NCAPD3: variants seen among roughly 807,000 people sequenced by gnomAD.
The protein encoded by NCAPD3 is condensin-2 complex subunit D3.
In NCAPD3, 105 loss-of-function variants were observed where a neutral mutation model predicts 182.9. The ratio of observed to expected loss-of-function variants is 0.57; its 90% CI spans 0.49 to 0.68. The LOEUF is 0.68. Ranked by LOEUF, NCAPD3 falls within the 30% of genes least tolerant of loss-of-function variation. The pLI, the probability that NCAPD3 is intolerant of heterozygous loss-of-function variation, is 0.00. For synonymous variants in NCAPD3, 815 were observed against 679.9 expected, an observed-to-expected ratio of 1.20 and a Z score of -3.09; for missense variants, 1,944 against 1,837.0, an observed-to-expected ratio of 1.06 and a Z score of -1.07.
chr11:134,209,208 T>G lies in NCAPD3; in HGVS notation c.733-2A>C. The G allele has an allele frequency of 6.2e-7, 1 of 1,613,046 alleles. No individual in the cohort carries two copies. ...AAAATTAGTTAATGAAACAAAGACC[T>G]AGAAAACAGATATGAAGAAAAGGCC... On this transcript the variant is annotated splice_acceptor_variant, in intron 5 of 34. Coordinates refer to ENST00000534548, the MANE Select transcript of NCAPD3 (RefSeq NM_015261.3). LOFTEE classifies it high-confidence loss of function.
At chr11:134,153,099 G>C in intron 34 of NCAPD3, 41 bp downstream of exon 34, 1 of 1,612,448 alleles carries the variant, frequency 6.2e-7, no homozygotes, top group Non-Finnish European at 8.5e-7. Flanking sequence ...GAAAAACCCT[G>C]ACAGAAACAT....
rs764503025 is a variant in NCAPD3 at position 134,184,993 on chromosome 11, T to G, written c.2245A>C (p.Asn749His). ...QSWEKISSQQ[N>H]PNSNTLGHIL... ...TGTCCTAAGGTGTTTGAATTGGGAT[T>G]CTGCTGACTAGAGAAAGGGCAGGAG... Residue 749 changes from asparagine to histidine, a missense_variant, in exon 18 of 35, where the codon AAT becomes CAT. Asn to His is a moderately conservative substitution (Grantham distance 68). Around this residue, in one of 3 missense-constraint regions of NCAPD3, gnomAD observed 1,803 missense variants for 1,674.6 expected, o/e 1.08. Coordinates refer to ENST00000534548, the MANE Select transcript of NCAPD3 (RefSeq NM_015261.3). 6.2e-7 allele frequency: 1 copy of G among 1,610,870 alleles called. No individual in the cohort carries two copies. The highest frequency in any genetic ancestry group is 1.7e-5 in the Admixed American group (1 of 59,986).
At chr11:134,223,544 A>C (rs1317819128) in intron 1 of NCAPD3, 16 of 700,366 alleles carry the variant, frequency 2.3e-5, no homozygotes, top group Non-Finnish European at 3.7e-5. Flanking sequence ...ATTTAAAACC[A>C]TCTTAATAGG....
intron 20 of NCAPD3, among the ~76,000 whole-genome samples, 196 bp downstream of exon 20, chr11:134,180,881 A>T (rs557799588): frequency 6.6e-6 from 1 of 152,282 alleles, no homozygotes; most frequent in East Asian, 1.9e-4. Context: ...GAGTTTCCCC[A>T]CCGATAAAAA....
chr11:134,167,927 G>A lies in NCAPD3; in HGVS notation c.3573+69C>T, dbSNP rs774016341. The A allele has an allele frequency of 2.9e-5, 42 of 1,449,152 alleles. 1 individual carries two copies. In the Admixed American group the frequency reaches 3.3e-4, roughly 11 times the overall value. The allele number at this position is 1,449,152 out of a possible 1,614,324, so 89.8% of individuals were successfully genotyped here. On this transcript the variant is annotated intron_variant, in intron 27 of 34. Transcript: ENST00000534548. ...ATGAGCTTGGGGGAGGTGCACACTC[G>A]TGAGATGAGCTTAGGGGAGCAGCAC...
Position 134,178,790 on chromosome 11 carries a change from C to T in NCAPD3, c.2674+32G>A, listed in dbSNP as rs138315234. On this transcript the variant is annotated intron_variant, in intron 21 of 34. Transcript: ENST00000534548. ...ACCGACAGAACCTTGAAACGGCATG[C>T]GTGCTACAGAGTATGATTTCAAATG... 136 of 1,608,456 alleles carry T rather than the reference C, an allele frequency of 8.5e-5. 2 individuals carry two copies. In the East Asian group the frequency reaches 2.8e-3, roughly 33 times the overall value.
rs747024918 is a variant in NCAPD3, at chr11:134,192,859, G to A, written c.1875C>T (p.Val625=). 6.2e-7 allele frequency: 1 copy of A among 1,614,002 alleles called. No homozygotes were observed. The highest frequency in any genetic ancestry group is 8.5e-7 in the Non-Finnish European group (1 of 1,179,920). Residue 625 remains valine (V), a synonymous_variant, in exon 16 of 35, where the codon GTC becomes GTT. Coordinates refer to ENST00000534548, the MANE Select transcript of NCAPD3 (RefSeq NM_015261.3). ...TGCTCTCGCAGTCCATCACCACCGGGACCACCCCCCGCAACCAGGCTTTCT... is the reference window on the plus strand; with the variant it reads ...TGCTCTCGCAGTCCATCACCACCGGAACCACCCCCCGCAACCAGGCTTTCT... The part of the protein sequence containing the change: ...QIQKAWLRGV[V]PVVMDCESTV...
chr11:134,168,969 A>G lies in NCAPD3; in HGVS notation c.3187T>C (p.Phe1063Leu), dbSNP rs751784629. 1.2e-6 allele frequency: 2 copies of G among 1,614,066 alleles called. No homozygotes were observed. Among genetic ancestry groups the G allele is most frequent in the South Asian group, 2.2e-5 (2 of 91,070 alleles). Residue 1063 changes from phenylalanine (F) to leucine (L), a missense_variant, in exon 25 of 35, where the codon TTT (phenylalanine) becomes CTT (leucine). Phe to Leu is a conservative substitution (Grantham distance 22). This residue lies in a region of NCAPD3 where 1,803 missense variants were observed against 1,674.6 expected (regional missense o/e 1.08). Transcript: ENST00000534548. The part of the protein sequence containing the change: ...FQHFIECIFH[F>L]NNYEKHEKYN... ...TTCTCATGCTTCTCATAGTTATTAA[A>G]GTGAAAAATACATTCAATGAAGTGT...
chr11:134,168,995 T>G lies in NCAPD3; in HGVS notation c.3161A>C (p.Gln1054Pro). 1 of 1,614,046 alleles carries G rather than the reference T, an allele frequency of 6.2e-7. No individual in the cohort carries two copies. The highest frequency in any genetic ancestry group is 8.5e-7 in the Non-Finnish European group (1 of 1,179,910). Residue 1054 changes from glutamine to proline, a missense_variant, in exon 25 of 35, where the codon CAA (glutamine) becomes CCA (proline). This residue lies in a region of NCAPD3 where 1,803 missense variants were observed against 1,674.6 expected (regional missense o/e 1.08). Transcript: ENST00000534548. ...LLKRNPVMFF[Q>P]HFIECIFHFN... Reference sequence around the variant, plus strand: ...GTGAAAAATACATTCAATGAAGTGTTGGAAGAACATGACAGGGTTCCTCTT... The same window carrying G: ...GTGAAAAATACATTCAATGAAGTGTGGGAAGAACATGACAGGGTTCCTCTT...
chr11:134,159,147 T>A (rs1943509526), intron 29 of NCAPD3, among the ~76,000 whole-genome samples: 1 of 152,230 alleles, frequency 6.6e-6, no homozygotes, highest in African/African-American at 2.4e-5. Context: ...GTCTTCGACA[T>A]CCTGATTTCC....
chr11:134,161,817 C>T lies in NCAPD3; in HGVS notation c.3648G>A (p.Lys1216=). The change falls in exon 28 of 35, where the codon AAG becomes AAA. Residue 1216 remains lysine, a synonymous_variant. Transcript: ENST00000534548. ...GCATGAGTTCCCGCAAAGCTGGGAT[C>T]TTATTTTTCTCCAGCACAGTCTTCA... ...ISLKTVLEKN[K]IPALRELMHY... 2 of 1,593,012 alleles carry T rather than the reference C, an allele frequency of 1.3e-6. No homozygotes were observed. Among genetic ancestry groups the T allele is most frequent in the Non-Finnish European group, 1.7e-6 (2 of 1,164,278 alleles).
intron 28 of NCAPD3, among the ~76,000 whole-genome samples, chr11:134,160,615 T>C (rs1943550573): frequency 6.6e-6 from 1 of 152,204 alleles, no homozygotes; most frequent in South Asian, 2.1e-4. Context: ...GAAAACCTTT[T>C]CTCATACCTA....
rs1017416469 is a variant in NCAPD3, at chr11:134,159,013, A to G, written c.3868-518T>C. Among the ~76,000 whole-genome samples the G allele has an allele frequency of 3.3e-5, 5 of 152,338 alleles. No individual in the cohort carries two copies. In the East Asian group the frequency reaches 9.6e-4, roughly 29 times the overall value. On this transcript the variant is annotated intron_variant, in intron 29 of 34. Coordinates refer to ENST00000534548, the MANE Select transcript of NCAPD3 (RefSeq NM_015261.3). ...AACAGATGACAAGATTTCACTTTTT[A>G]TAGATGAAAAGTACTCCACTGTATA...
In NCAPD3 at chr11:134,158,234, A is replaced by G. The variant is rs148793974; in HGVS notation, c.4034+95T>C. ...CGGGGTGGCAGGCCAGACAATGACA[A>G]TGACTTTCCTGCCCACGCTTGGGAA... On this transcript the variant is annotated intron_variant, in intron 30 of 34. Coordinates refer to ENST00000534548, the MANE Select transcript of NCAPD3 (RefSeq NM_015261.3). 551 of 1,551,040 alleles carry G rather than the reference A, an allele frequency of 3.6e-4. 2 individuals carry two copies. The African/African-American group carries it at 6.5e-3, about 18-fold the overall frequency.
Position 134,169,070 on chromosome 11 carries a change from A to G in NCAPD3, c.3102-16T>C, listed in dbSNP as rs761232824. 1.2e-6 allele frequency: 2 copies of G among 1,610,498 alleles called. No individual in the cohort carries two copies. The highest frequency in any genetic ancestry group is 1.1e-5 in the South Asian group (1 of 90,364). On this transcript the variant is annotated splice_polypyrimidine_tract_variant and intron_variant, in intron 24 of 34. Transcript: ENST00000534548. ...CTCCCCGAAGCTGCAAAGGTGAGAG[A>G]AACAAAGAGGGAGACCCATTTGCTA...
chr11:134,157,119 T>C (rs777739444), intron 31 of NCAPD3, 24 bp from the exon 32 acceptor site: 4 of 1,577,962 alleles, frequency 2.5e-6, no homozygotes, highest in Non-Finnish European at 2.6e-6. Flanking sequence ...GGTGCTGCTA[T>C]CCAGAAATAC....
chr11:134,167,428 A>G (rs1591829280), intron 27 of NCAPD3, among the ~76,000 whole-genome samples: 1 of 97,096 alleles, frequency 1.0e-5, no homozygotes, highest in Non-Finnish European at 2.0e-5. Flanking sequence ...AGCTTGGGGG[A>G]GGCGCACACT....
At chr11:134,201,642 G>A (rs1299204133) in intron 13 of NCAPD3, among the ~76,000 whole-genome samples, 2 of 152,178 alleles carry the variant, frequency 1.3e-5, no homozygotes, top group African/African-American at 4.8e-5. Flanking sequence ...CAATGCACTG[G>A]AAACATGGGC....
chr11:134,214,560 A>G (rs1225978585), intron 3 of NCAPD3, among the ~76,000 whole-genome samples: 1 of 152,204 alleles, frequency 6.6e-6, no homozygotes, highest in African/African-American at 2.4e-5. Context: ...TAGACATAAG[A>G]CCAGAAATCA....
Sources: allele counts gnomAD v4.1 joint callset (sites outside exome capture counted in the v4.1 genomes callset), GRCh38; gene constraint gnomAD v4.1.1; regional missense constraint gnomAD v4.1.1; transcripts MANE v1.5; gene names NCBI Gene and HGNC (gene_info 2026-07-23, HGNC 2026-07-21).